The following TM9SF3 variants were observed in gnomAD, a reference collection of about 807,000 sequenced individuals.
TM9SF3 encodes SM-11044-binding protein.
A neutral mutation model predicts 78.6 loss-of-function variants in TM9SF3; 14 were observed. The observed-to-expected ratio is 0.18, with a 90% CI of 0.12 to 0.28. The LOEUF is 0.28. Ranked by LOEUF, TM9SF3 falls within the 10% of genes least tolerant of loss-of-function variation. The pLI is 1.00. For missense variants in TM9SF3, 496 were observed against 721.9 expected (o/e 0.69, Z 3.59); for synonymous variants, 231 against 241.7 (o/e 0.96, Z 0.41).
Position 96,564,001 on chromosome 10 carries a change from C to G in TM9SF3, c.421+1303G>C, listed in dbSNP as rs548486850. On this transcript the variant is annotated intron_variant, in intron 3 of 14. Coordinates refer to ENST00000371142, the MANE Select transcript of TM9SF3 (RefSeq NM_020123.4). ...AGCCCACAGCTGTGAATGAAAAAAC[C>G]TAAAGCATGATGGCTTATCCCTATA... Among the ~76,000 whole-genome samples the G allele has an allele frequency of 2.2e-4, 33 of 151,994 alleles. No individual in the cohort carries two copies. The South Asian group carries it at 6.4e-3, about 30-fold the overall frequency.
At chr10:96,573,806 C>T (rs1010953088) in intron 2 of TM9SF3, among the ~76,000 whole-genome samples, 2 of 152,088 alleles carry the variant, frequency 1.3e-5, no homozygotes, top group Non-Finnish European at 2.9e-5. Flanking sequence ...ACAAACCTGA[C>T]AAAAACAAGC....
intron 7 of TM9SF3, among the ~76,000 whole-genome samples, chr10:96,548,397 G>A (rs544189028): frequency 9.9e-5 from 15 of 152,284 alleles, no homozygotes; most frequent in Non-Finnish European, 2.2e-4. Context: ...AACTGCTTAT[G>A]AATCTTGCCT....
intron 3 of TM9SF3, among the ~76,000 whole-genome samples, chr10:96,564,294 C>T (rs2134152365): frequency 1.3e-5 from 2 of 152,210 alleles, no homozygotes; most frequent in South Asian, 4.2e-4. Flanking sequence ...AGGGAAGAAA[C>T]CTGTTCTCTC....
At chr10:96,524,997 C>T (rs1467810504) in intron 14 of TM9SF3, among the ~76,000 whole-genome samples, 4 of 151,968 alleles carry the variant, frequency 2.6e-5, no homozygotes, top group Non-Finnish European at 5.9e-5. Flanking sequence ...GCAGGAAAAG[C>T]ACTCAAAAAA....
Position 96,559,744 on chromosome 10 carries a change from A to C in TM9SF3, c.583-8T>G. ...TGACTTTTTCCATTTTACCTAAAAA[A>C]AATTTTTTCATTTGAAAATAAAGGC... On this transcript the variant is annotated splice_region_variant and splice_polypyrimidine_tract_variant and intron_variant, in intron 4 of 14. Coordinates refer to ENST00000371142, the MANE Select transcript of TM9SF3 (RefSeq NM_020123.4). 2 of 1,544,196 alleles carry C rather than the reference A, an allele frequency of 1.3e-6. No homozygotes were observed.
intron 5 of TM9SF3, among the ~76,000 whole-genome samples, chr10:96,556,655 T>A (rs993147050): frequency 3.4e-5 from 5 of 149,016 alleles, no homozygotes; most frequent in African/African-American, 7.4e-5. Context: ...TTCTTACATT[T>A]AAAAAAAAAA....
At chr10:96,547,837 T>C (rs761850694) in intron 8 of TM9SF3, 58 bp downstream of exon 8, 46 of 1,433,256 alleles carry the variant, frequency 3.2e-5, no homozygotes, top group Non-Finnish European at 4.5e-5. Flanking sequence ...AAAAAAAATC[T>C]CATAGTAAAA....
chr10:96,566,744 G>T (rs1848375700), intron 2 of TM9SF3, among the ~76,000 whole-genome samples: 1 of 152,122 alleles, frequency 6.6e-6, no homozygotes, highest in South Asian at 2.1e-4. Flanking sequence ...AGCAACGGAG[G>T]GTTAAAAAAT....
chr10:96,566,296 C>G (rs995357204), intron 2 of TM9SF3, among the ~76,000 whole-genome samples: 2 of 152,188 alleles, frequency 1.3e-5, no homozygotes, highest in African/African-American at 4.8e-5. Flanking sequence ...TTATTTGAAA[C>G]ATGAAATGCA....
At chr10:96,558,259 G>A (rs1034556523) in intron 5 of TM9SF3, among the ~76,000 whole-genome samples, 1 of 152,006 alleles carries the variant, frequency 6.6e-6, no homozygotes, top group Non-Finnish European at 1.5e-5. Flanking sequence ...CATTATACTC[G>A]AGGAGAACAC....
intron 14 of TM9SF3, among the ~76,000 whole-genome samples, chr10:96,522,690 G>A (rs1847793118): frequency 6.6e-6 from 1 of 151,832 alleles, no homozygotes. Context: ...ACTATTCTAG[G>A]TCATTAAAGT....
chr10:96,545,271 C>T (rs572611303), intron 8 of TM9SF3, among the ~76,000 whole-genome samples: 105 of 152,090 alleles, frequency 6.9e-4, no homozygotes, highest in Non-Finnish European at 1.4e-3. Context: ...AACAGGGACC[C>T]AAACAGAAAG....
intron 9 of TM9SF3, among the ~76,000 whole-genome samples, chr10:96,538,740 T>A (rs1170469404): frequency 6.6e-6 from 1 of 152,016 alleles, no homozygotes; most frequent in African/African-American, 2.4e-5. Context: ...AAAGAAAATA[T>A]ACAGATGGCA....
At chr10:96,580,468 A>T (rs1367013917) in intron 1 of TM9SF3, among the ~76,000 whole-genome samples, 2 of 151,990 alleles carry the variant, frequency 1.3e-5, no homozygotes, top group Non-Finnish European at 2.9e-5. Context: ...GGGTTTCACC[A>T]TGTTAGCCAG....
At chr10:96,542,373 T>G (rs1848044424) in intron 9 of TM9SF3, among the ~76,000 whole-genome samples, 1 of 152,196 alleles carries the variant, frequency 6.6e-6, no homozygotes, top group Non-Finnish European at 1.5e-5. Context: ...TTTTACTCAC[T>G]AAAGAACAAT....
intron 2 of TM9SF3, among the ~76,000 whole-genome samples, chr10:96,573,586 A>T (rs995836486): frequency 6.6e-6 from 1 of 152,198 alleles, no homozygotes; most frequent in Non-Finnish European, 1.5e-5. Context: ...TGCTTAGCTT[A>T]GTCTGAAAAG....
chr10:96,520,778 C>T lies in TM9SF3; in HGVS notation c.*1485G>A, dbSNP rs1420523995. The T allele has an allele frequency of 2.5e-6, 1 of 394,872 alleles. No individual in the cohort carries two copies. Among genetic ancestry groups the T allele is most frequent in the Non-Finnish European group, 4.5e-6 (1 of 223,198 alleles). The allele number at this position is 394,872 out of a possible 1,614,324, so 24.5% of individuals were successfully genotyped here. A position where few individuals can be genotyped will look rare whatever the true frequency, so the allele number is the denominator to read the frequency against. On this transcript the variant is annotated 3_prime_UTR_variant, in exon 15 of 15. Transcript: ENST00000371142. ...ACACCAACCTGAACAGATTTTGTGCCACAATTTCATTCAAAGGGTTTGTCA... is the reference window on the plus strand; with the variant it reads ...ACACCAACCTGAACAGATTTTGTGCTACAATTTCATTCAAAGGGTTTGTCA...
At chr10:96,575,970 C>T (rs974324039) in intron 2 of TM9SF3, among the ~76,000 whole-genome samples, 6 of 152,060 alleles carry the variant, frequency 3.9e-5, no homozygotes, top group African/African-American at 7.2e-5. Flanking sequence ...TAACTAGATA[C>T]GATGAAGTAT....
intron 5 of TM9SF3, among the ~76,000 whole-genome samples, chr10:96,556,487 A>T (rs1036446752): frequency 6.6e-6 from 1 of 152,218 alleles, no homozygotes; most frequent in East Asian, 1.9e-4. Flanking sequence ...TGCCTGTGCT[A>T]TTAGTCACTG....
Sources: gnomAD v4.1 joint callset for allele counts (sites outside exome capture counted in the v4.1 genomes callset) on GRCh38, gnomAD v4.1.1 for gene constraint, MANE v1.5 for transcripts, NCBI Gene and HGNC (gene_info 2026-07-23, HGNC 2026-07-21) for gene names.